The following TM2D3 variants were observed in gnomAD, a reference collection of about 807,000 sequenced individuals.
TM2D3 encodes TM2 domain containing 3, also known as TM2 domain-containing protein 3.
TM2D3 carries 33 observed loss-of-function variants against 27.3 expected under a neutral mutation model. The observed-to-expected ratio is 1.21, with a 90% CI of 0.92 to 1.61. The LOEUF (loss-of-function observed/expected upper bound fraction) is 1.61, where lower values mean the gene tolerates loss of function less well. Ranked by LOEUF, TM2D3 falls within the 40% of genes most tolerant of loss-of-function variation. TM2D3 has a pLI of 0.00. For synonymous variants in TM2D3, 138 were observed against 122.2 expected (o/e 1.13, Z -0.85); for missense variants, 364 against 320.8 (o/e 1.13, Z -1.03).
chr15:101,649,908 T>A, intron 3 of TM2D3, 96 bp downstream of exon 3: 1 of 1,190,244 alleles, frequency 8.4e-7, no homozygotes, highest in South Asian at 1.4e-5. Context: ...ATATAAAAAT[T>A]CTTCAGAATT....
chr15:101,646,567 T>C (rs1896815304), intron 4 of TM2D3, 158 bp downstream of exon 4: 2 of 707,958 alleles, frequency 2.8e-6, no homozygotes, highest in South Asian at 1.8e-5. Flanking sequence ...TGCTTTACTT[T>C]AGTACGTTGA....
At chr15:101,649,833 G>A (rs1184958435) in intron 3 of TM2D3, among the ~76,000 whole-genome samples, 171 bp downstream of exon 3, 1 of 152,232 alleles carries the variant, frequency 6.6e-6, no homozygotes, top group Admixed American at 6.5e-5. Context: ...GAGCTGATAT[G>A]GAAAGGTCTA....
rs143342115 is a variant in TM2D3 at position 101,633,523 on chromosome 15, T to C, written c.*154A>G. On this transcript the variant is annotated 3_prime_UTR_variant, in exon 5 of 5. Transcript: ENST00000428002. ...CGAAGGACACCCACAGATTTTGCAA[T>C]GTGTTCCTGAATAAGCAGTTCCTAT... The C allele has an allele frequency of 2.0e-5, 11 of 539,542 alleles. No individual in the cohort carries two copies. The Admixed American group carries it at 2.4e-4, about 12-fold the overall frequency. The allele number at this position is 539,542 out of a possible 1,614,324, so 33.4% of individuals were successfully genotyped here. A position where few individuals can be genotyped will look rare whatever the true frequency, so the allele number is the denominator to read the frequency against.
chr15:101,639,206 G>C (rs1896614344), downstream of TM2D3, among the ~76,000 whole-genome samples: 2 of 152,164 alleles, frequency 1.3e-5, no homozygotes, highest in African/African-American at 2.4e-5. Flanking sequence ...GCTAAGAGTA[G>C]ATTTTAAGTG....
At chr15:101,633,765 C>T (rs911792299) in intron 4 of TM2D3, 1 of 1,508,856 alleles carries the variant, frequency 6.6e-7, no homozygotes, top group African/African-American at 1.4e-5. Flanking sequence ...AAAGAAAAAA[C>T]AATTAGTTCT....
chr15:101,647,618 A>T (rs1483356116), intron 3 of TM2D3, among the ~76,000 whole-genome samples: 1 of 152,250 alleles, frequency 6.6e-6, no homozygotes, highest in Non-Finnish European at 1.5e-5. Context: ...TATTCTGCTT[A>T]CAAAAGTAGA....
chr15:101,633,118 A>T (rs1177280410), exon 5 of TM2D3: 1 of 152,238 alleles, frequency 6.6e-6, no homozygotes, highest in Non-Finnish European at 1.5e-5. Context: ...TTCTCAGATG[A>T]AGAAAATCTA....
chr15:101,650,396 G>A (rs1004093346), intron 2 of TM2D3: 6 of 391,740 alleles, frequency 1.5e-5, no homozygotes, highest in African/African-American at 1.2e-4. Context: ...TGCCTCCCAC[G>A]TGGCCGTGAA....
At chr15:101,644,144 C>T (rs181510838) in intron 5 of TM2D3, among the ~76,000 whole-genome samples, 1 of 152,288 alleles carries the variant, frequency 6.6e-6, no homozygotes, top group Non-Finnish European at 1.5e-5. Context: ...TCGCGCCCGC[C>T]CTATCTTATT....
At chr15:101,643,599 T>TAAAAAAAAAAAAAAAA (rs1158728522) in intron 5 of TM2D3, among the ~76,000 whole-genome samples, 7 of 47,328 alleles carry the variant, frequency 1.5e-4, no homozygotes, top group East Asian at 1.0e-3. Context: ...GAGACTCCGT[T>TAAAAAAAAAAAAAAAA]AAAAAAAAAA....
At chr15:101,645,201 A>G (rs777660735) in intron 4 of TM2D3, 39 bp from the exon 5 acceptor site, 1 of 1,510,342 alleles carries the variant, frequency 6.6e-7, no homozygotes, top group South Asian at 1.2e-5. Context: ...AGGGTATAAA[A>G]AATACTCTCA....
intron 4 of TM2D3, chr15:101,633,950 G>A: frequency 2.3e-6 from 1 of 439,448 alleles, no homozygotes; most frequent in Non-Finnish European, 4.1e-6. Context: ...ATGCCTCACT[G>A]AGCAATTACT....
chr15:101,638,060 C>T (rs1045451398), downstream of TM2D3, among the ~76,000 whole-genome samples: 15 of 152,200 alleles, frequency 9.9e-5, 1 homozygote, highest in East Asian at 2.9e-3. Flanking sequence ...ATCAAAGTTT[C>T]CTCCCCAGGG....
chr15:101,641,868 T>C lies in TM2D3; in HGVS notation c.*611A>G, dbSNP rs1175517050. ...CAGTATTTCTTAACTTGCAATTTTA[T>C]TAATTTTTCAGTACTCTTACCTTTT... On this transcript the variant is annotated 3_prime_UTR_variant, in exon 6 of 6. Transcript: ENST00000333202. 1.1e-6 allele frequency: 1 copy of C among 939,478 alleles called. No homozygotes were observed. Among genetic ancestry groups the C allele is most frequent in the Non-Finnish European group, 1.3e-6 (1 of 788,074 alleles). 58.2% of individuals were successfully genotyped at this position (939,478 alleles called of 1,614,324 possible). A position where few individuals can be genotyped will look rare whatever the true frequency, so the allele number is the denominator to read the frequency against.
chr15:101,651,974 G>C (rs1171029718), intron 1 of TM2D3: 1 of 604,518 alleles, frequency 1.7e-6, no homozygotes, highest in African/African-American at 1.9e-5. Flanking sequence ...GGCAACGAGG[G>C]ACCGAAGGAT....
chr15:101,650,202 G>A (rs1273939707), intron 2 of TM2D3, 41 bp from the exon 3 acceptor site: 1 of 1,575,598 alleles, frequency 6.3e-7, no homozygotes, highest in African/African-American at 1.4e-5. Flanking sequence ...CTATAATACT[G>A]ATTCGAATAA....
At position 101,645,178 on chromosome 15, in the gene TM2D3, G is replaced by C; in HGVS notation, c.503-16C>G. On this transcript the variant is annotated splice_polypyrimidine_tract_variant and intron_variant, in intron 4 of 5. Transcript: ENST00000333202. The stretch of plus-strand genomic sequence containing the variant: ...GTACGGTTACCTTAAAAAAAAAAAA[G>C]AAAGAAAAATACAGGGTATAAAAAA... 2.0e-6 allele frequency: 3 copies of C among 1,501,812 alleles called. No individual in the cohort carries two copies. Among genetic ancestry groups the C allele is most frequent in the South Asian group, 1.2e-5 (1 of 83,664 alleles). The allele number at this position is 1,501,812 out of a possible 1,614,324, so 93.0% of individuals were successfully genotyped here.
chr15:101,647,408 T>C (rs1157101497), intron 3 of TM2D3, among the ~76,000 whole-genome samples: 2 of 152,138 alleles, frequency 1.3e-5, no homozygotes, highest in East Asian at 1.9e-4. Context: ...GCTTCCGAGT[T>C]GCCAACCTTC....
At chr15:101,646,288 A>AT (rs1896803467) in intron 4 of TM2D3, 1 of 168,104 alleles carries the variant, frequency 5.9e-6, no homozygotes, top group Non-Finnish European at 1.3e-5. Context: ...ATTATTGAAT[A>AT]TTATTTTATT....
Sources: gnomAD v4.1 joint callset for allele counts (sites outside exome capture counted in the v4.1 genomes callset) on GRCh38, gnomAD v4.1.1 for gene constraint, MANE v1.5 for transcripts, NCBI Gene and HGNC (gene_info 2026-07-23, HGNC 2026-07-21) for gene names.